Variants in GSTO2 observed in about 807,000 individuals in gnomAD.
The protein encoded by GSTO2 is glutathione S-transferase omega 2.
A neutral mutation model predicts 28.4 loss-of-function variants in GSTO2; 23 were observed. The observed-to-expected ratio is 0.81, with a 90% CI of 0.58 to 1.15. The LOEUF is 1.15. Ranked by LOEUF, GSTO2 falls within the 50% of genes most tolerant of loss-of-function variation. GSTO2 has a pLI of 0.00. For synonymous variants in GSTO2, 109 were observed against 111.0 expected (o/e 0.98, Z 0.11); for missense variants, 298 against 297.8 (o/e 1.00, Z 0.00).
chr10:104,274,658 A>G (rs2011542582), intron 1 of GSTO2, 27 bp from the exon 2 acceptor site: 1 of 567,098 alleles, frequency 1.8e-6, no homozygotes, highest in East Asian at 3.1e-5. Flanking sequence ...TTCTGGTGTT[A>G]TTTTGTCTTG....
chr10:104,276,855 A>C (rs1346785873), intron 3 of GSTO2, among the ~76,000 whole-genome samples: 2 of 152,254 alleles, frequency 1.3e-5, no homozygotes, highest in Non-Finnish European at 2.9e-5. Flanking sequence ...ACATACGTTC[A>C]TGCTTCTGGT....
At chr10:104,279,528 G>A (rs1340961789) in intron 5 of GSTO2, 57 bp downstream of exon 5, 8 of 1,206,202 alleles carry the variant, frequency 6.6e-6, no homozygotes, top group African/African-American at 4.5e-5. Flanking sequence ...AGGCAGGGTC[G>A]CTAACCTGGT....
At chr10:104,291,102 G>C (rs2012744226) in intron 5 of GSTO2, among the ~76,000 whole-genome samples, 1 of 152,244 alleles carries the variant, frequency 6.6e-6, no homozygotes, top group African/African-American at 2.4e-5. Context: ...AAAAGGGCCA[G>C]TATTGCTGAT....
In GSTO2 at chr10:104,278,035, T is replaced by A. The variant is rs1247502900; in HGVS notation, c.285T>A (p.Asp95Glu). Reference protein sequence around the residue: ...ESVIACEYLDDAYPGRKLFPY... With the variant: ...ESVIACEYLDEAYPGRKLFPY... ...TTATTGCTTGTGAGTACCTGGATGA[T>A]GCTTATCCAGGAAGGAAGCTGTTTC... The change falls in exon 4 of 7, where the codon GAT becomes GAA. Residue 95 changes from aspartate to glutamate, a missense_variant. Physicochemically the swap from Asp to Glu is conservative, Grantham distance 45. Coordinates refer to ENST00000338595, the MANE Select transcript of GSTO2 (RefSeq NM_183239.2). The A allele has an allele frequency of 3.7e-6, 6 of 1,613,894 alleles. No homozygotes were observed. The highest frequency in any genetic ancestry group is 5.1e-6 in the Non-Finnish European group (6 of 1,179,874).
chr10:104,274,783 A>T lies in GSTO2; in HGVS notation c.-133A>T, dbSNP rs540197713. ...GCTTCCCCGTGCCCCGCCAGAGCCC[A>T]GTAGTTCAAAAATTAAATTTGGGGC... On this transcript the variant is annotated 5_prime_UTR_variant, in exon 2 of 7. Transcript: ENST00000338595. 301 of 1,086,614 alleles carry T rather than the reference A, an allele frequency of 2.8e-4. No homozygotes were observed. The African/African-American group carries it at 4.3e-3, about 16-fold the overall frequency. The allele number at this position is 1,086,614 out of a possible 1,614,324, so 67.3% of individuals were successfully genotyped here. A position where few individuals can be genotyped will look rare whatever the true frequency, so the allele number is the denominator to read the frequency against.
rs45526940 is a variant in GSTO2, at chr10:104,300,276, C to T, written c.*992C>T. ...GCATCCTGCCTTAAAAAAATACACA[C>T]GCCCCAAACCCAGCCACAAGCAAAG... On this transcript the variant is annotated 3_prime_UTR_variant, in exon 7 of 7. Coordinates refer to ENST00000338595, the MANE Select transcript of GSTO2 (RefSeq NM_183239.2). 1 of 152,236 alleles carries T rather than the reference C, an allele frequency of 6.6e-6. No individual in the cohort carries two copies. The highest frequency in any genetic ancestry group is 2.4e-5 in the African/African-American group (1 of 41,458). 9.4% of individuals were successfully genotyped at this position (152,236 alleles called of 1,614,324 possible).
intron 5 of GSTO2, among the ~76,000 whole-genome samples, chr10:104,280,739 G>A (rs770591431): frequency 1.1e-4 from 17 of 152,282 alleles, no homozygotes; most frequent in South Asian, 4.1e-4. Flanking sequence ...CACCTTATGG[G>A]TGGGTGGTTC....
In GSTO2 at chr10:104,277,870, C is replaced by G. The variant is rs534467893; in HGVS notation, c.144-24C>G. On this transcript the variant is annotated intron_variant, in intron 3 of 6. Coordinates refer to ENST00000338595, the MANE Select transcript of GSTO2 (RefSeq NM_183239.2). ...CAGATGCCTCTCATTTTTGTTCTGTCTTGTTTTCCTTTTGCTTTTTAAGAC... is the reference window on the plus strand; with the variant it reads ...CAGATGCCTCTCATTTTTGTTCTGTGTTGTTTTCCTTTTGCTTTTTAAGAC... 5 of 1,534,882 alleles carry G rather than the reference C, an allele frequency of 3.3e-6. No homozygotes were observed. In the East Asian group the frequency reaches 1.1e-4, roughly 35 times the overall value.
At chr10:104,275,037 A>C in intron 2 of GSTO2, 88 bp downstream of exon 2, 1 of 1,523,738 alleles carries the variant, frequency 6.6e-7, no homozygotes. Context: ...CTTGGCCTGC[A>C]GACCGGCGGG....
chr10:104,292,988 G>A (rs2012848836), intron 5 of GSTO2, among the ~76,000 whole-genome samples: 2 of 152,170 alleles, frequency 1.3e-5, no homozygotes, highest in African/African-American at 4.8e-5. Context: ...GTAAATGCAA[G>A]GGACTTGTTT....
rs74154779 is a variant in GSTO2 at position 104,275,375 on chromosome 10, C to A, written c.143+41C>A. On this transcript the variant is annotated intron_variant, in intron 3 of 6. Transcript: ENST00000338595. ...CCAGAGCCCCCGAGCAAACCCAGCG[C>A]CTCACAGGAGCCCGGGAATGTTTAA... 0.014 allele frequency: 22,312 copies of A among 1,586,520 alleles called. 2,560 individuals carry two copies. In the African/African-American group the frequency reaches 0.26, roughly 18 times the overall value.
chr10:104,274,992 G>GA (rs1564842658), intron 2 of GSTO2, 43 bp downstream of exon 2: 2 of 1,562,632 alleles, frequency 1.3e-6, no homozygotes, highest in South Asian at 2.4e-5. Context: ...GGCGCCGCGT[G>GA]ACAGAAAATG....
chr10:104,280,213 C>T (rs1199377089), intron 5 of GSTO2, among the ~76,000 whole-genome samples: 1 of 147,784 alleles, frequency 6.8e-6, no homozygotes, highest in East Asian at 2.0e-4. Context: ...GCAGTTCAGG[C>T]CTATCTTGAT....
chr10:104,290,176 C>CA (rs1308300238), intron 5 of GSTO2, among the ~76,000 whole-genome samples: 3 of 152,124 alleles, frequency 2.0e-5, no homozygotes. Context: ...GATTTGAAAG[C>CA]AACCTAAGTG....
At chr10:104,279,008 A>G (rs561194323) in intron 4 of GSTO2, among the ~76,000 whole-genome samples, 1 of 152,262 alleles carries the variant, frequency 6.6e-6, no homozygotes, top group South Asian at 2.1e-4. Flanking sequence ...AACTCATTTA[A>G]TCCAACTGCC....
At chr10:104,293,154 T>C (rs1292132121) in intron 5 of GSTO2, among the ~76,000 whole-genome samples, 1 of 152,216 alleles carries the variant, frequency 6.6e-6, no homozygotes, top group East Asian at 1.9e-4. Flanking sequence ...CTTGAGCTTC[T>C]GATTCAGAGA....
intron 5 of GSTO2, among the ~76,000 whole-genome samples, chr10:104,281,512 C>G (rs1296526271): frequency 2.0e-5 from 3 of 152,142 alleles, no homozygotes; most frequent in Non-Finnish European, 4.4e-5. Context: ...TTACAGATTG[C>G]TAGATGAAAG....
chr10:104,288,404 G>A (rs1016763858), intron 5 of GSTO2: 2 of 152,214 alleles, frequency 1.3e-5, no homozygotes, highest in Admixed American at 6.5e-5. Flanking sequence ...CCAGATCAAA[G>A]GGTATAATGA....
At chr10:104,291,808 A>G (rs1463831996) in intron 5 of GSTO2, among the ~76,000 whole-genome samples, 1 of 152,252 alleles carries the variant, frequency 6.6e-6, no homozygotes, top group Non-Finnish European at 1.5e-5. Context: ...AAATTTTAAA[A>G]TAGATTTTTC....
Sources: allele counts gnomAD v4.1 joint callset (sites outside exome capture counted in the v4.1 genomes callset), GRCh38; gene constraint gnomAD v4.1.1; transcripts MANE v1.5; gene names NCBI Gene and HGNC (gene_info 2026-07-23, HGNC 2026-07-21).